Variants in TTLL4 observed in about 807,000 individuals in gnomAD.
The protein encoded by TTLL4 is tubulin monoglutamylase TTLL4.
A neutral mutation model predicts 122.7 loss-of-function variants in TTLL4; 85 were observed. The ratio of observed to expected loss-of-function variants is 0.69; its 90% CI spans 0.58 to 0.83. The LOEUF is 0.83. Among genes scored for constraint, TTLL4 ranks in the 40% least tolerant of loss-of-function variants. The pLI, the probability that TTLL4 is intolerant of heterozygous loss-of-function variation, is 0.00. For missense variants in TTLL4, 1,363 were observed against 1,488.6 expected, an observed-to-expected ratio of 0.92 and a Z score of 1.39; for synonymous variants, 553 against 563.0, an observed-to-expected ratio of 0.98 and a Z score of 0.25.
At chr2:218,725,616 C>T (rs1279035628) in intron 1 of TTLL4, among the ~76,000 whole-genome samples, 2 of 151,020 alleles carry the variant, frequency 1.3e-5, no homozygotes, top group Admixed American at 6.6e-5. Flanking sequence ...GGTGTAGTGG[C>T]GTGATCTCGG....
intron 2 of TTLL4, among the ~76,000 whole-genome samples, chr2:218,735,273 C>T (rs1942485484): frequency 6.6e-6 from 1 of 152,108 alleles, no homozygotes; most frequent in South Asian, 2.1e-4. Flanking sequence ...AAAACCATCT[C>T]TCCTAGGGCT....
intron 13 of TTLL4, 81 bp downstream of exon 13, chr2:218,749,015 G>T: frequency 6.7e-7 from 1 of 1,484,138 alleles, no homozygotes; most frequent in Non-Finnish European, 9.3e-7. Flanking sequence ...CTGTGCTCTG[G>T]ACTTTGGCCA....
Position 218,738,722 on chromosome 2 carries a change from A to G in TTLL4, c.1046A>G (p.Glu349Gly). 6.2e-7 allele frequency: 1 copy of G among 1,614,196 alleles called. No homozygotes were observed. Among genetic ancestry groups the G allele is most frequent in the Non-Finnish European group, 8.5e-7 (1 of 1,180,040 alleles). Residue 349 changes from glutamate (E) to glycine (G), a missense_variant, in exon 3 of 20, where the codon GAG (glutamate) becomes GGG (glycine). Physicochemically the swap from Glu to Gly is moderately conservative, Grantham distance 98. Transcript: ENST00000392102. ...AVRKLTARGF[E>G]KMPRQGCQLE... Reference sequence around the variant, plus strand: ...AGGAAATTGACCGCAAGAGGCTTTGAGAAGATGCCGAGGCAAGGCTGCCAG... The same window carrying G: ...AGGAAATTGACCGCAAGAGGCTTTGGGAAGATGCCGAGGCAAGGCTGCCAG...
At position 218,746,242 on chromosome 2, in the gene TTLL4, T is replaced by A; in HGVS notation, c.1974+11T>A. 1 of 1,613,914 alleles carries A rather than the reference T, an allele frequency of 6.2e-7. No individual in the cohort carries two copies. The highest frequency in any genetic ancestry group is 8.5e-7 in the Non-Finnish European group (1 of 1,179,896). ...CGAGAGCATCAGAAGGTAGGGGTCC[T>A]TTCTGAGGAGCTGTTTCCCTGGACT... On this transcript the variant is annotated intron_variant, in intron 8 of 19. Transcript: ENST00000392102.
chr2:218,753,952 C>T (rs1943093799), intron 19 of TTLL4, among the ~76,000 whole-genome samples, 182 bp from the exon 20 acceptor site: 1 of 152,230 alleles, frequency 6.6e-6, no homozygotes, highest in South Asian at 2.1e-4. Context: ...TTCACTCTTG[C>T]ACTGCAGGTC....
At chr2:218,721,204 T>TG (rs977499658) in intron 1 of TTLL4, among the ~76,000 whole-genome samples, 2 of 151,270 alleles carry the variant, frequency 1.3e-5, no homozygotes, top group East Asian at 1.9e-4. Flanking sequence ...TCAAACCCCA[T>TG]GGGGGGGTTT....
At chr2:218,713,046 C>G (rs140588769) in intron 1 of TTLL4, among the ~76,000 whole-genome samples, 1 of 151,954 alleles carries the variant, frequency 6.6e-6, no homozygotes, top group Non-Finnish European at 1.5e-5. Context: ...AAAGAGATTT[C>G]TTTTAGTTCA....
At chr2:218,715,239 A>G (rs1168130526) in intron 1 of TTLL4, among the ~76,000 whole-genome samples, 1 of 152,260 alleles carries the variant, frequency 6.6e-6, no homozygotes, top group Non-Finnish European at 1.5e-5. Flanking sequence ...ATGAAAATCC[A>G]GCTGCACACA....
intron 5 of TTLL4, 75 bp from the exon 6 acceptor site, chr2:218,745,034 C>T (rs181110561): frequency 3.0e-5 from 47 of 1,553,510 alleles, no homozygotes; most frequent in Non-Finnish European, 3.6e-5. Flanking sequence ...GGAAATAAAT[C>T]GTACGTCGTA....
At chr2:218,737,489 T>A in intron 2 of TTLL4, 90 bp from the exon 3 acceptor site, 1 of 604,558 alleles carries the variant, frequency 1.7e-6, no homozygotes, top group Non-Finnish European at 2.7e-6. Context: ...AATGCTGAAG[T>A]GGGACTGTAC....
At chr2:218,739,883 C>A (rs1373673673) in intron 3 of TTLL4, among the ~76,000 whole-genome samples, 175 bp from the exon 4 acceptor site, 1 of 152,188 alleles carries the variant, frequency 6.6e-6, no homozygotes, top group Non-Finnish European at 1.5e-5. Context: ...GGTTGAGGAG[C>A]TATGCCTAGA....
chr2:218,728,620 G>A (rs768978629), intron 2 of TTLL4, among the ~76,000 whole-genome samples: 2 of 152,148 alleles, frequency 1.3e-5, no homozygotes, highest in African/African-American at 2.4e-5. Context: ...ACTGCCCTTC[G>A]CAAATGGAGG....
chr2:218,728,921 A>ATTTT (rs1191716175), intron 2 of TTLL4, among the ~76,000 whole-genome samples: 11 of 69,174 alleles, frequency 1.6e-4, no homozygotes, highest in East Asian at 5.1e-4. Context: ...CTGGTGGTCT[A>ATTTT]TTTTTTTTTT....
intron 5 of TTLL4, among the ~76,000 whole-genome samples, chr2:218,742,861 G>A (rs530966893): frequency 2.0e-5 from 3 of 152,144 alleles, no homozygotes; most frequent in African/African-American, 7.2e-5. Flanking sequence ...AGTAGCTCAC[G>A]CCTGTAACCC....
At chr2:218,721,888 C>T (rs1054595587) in intron 1 of TTLL4, among the ~76,000 whole-genome samples, 1 of 151,974 alleles carries the variant, frequency 6.6e-6, no homozygotes, top group Admixed American at 6.6e-5. Context: ...TTTTGAGAGG[C>T]TGAGGCAAGA....
chr2:218,725,346 A>G (rs1363942845), intron 1 of TTLL4, among the ~76,000 whole-genome samples: 2 of 151,786 alleles, frequency 1.3e-5, no homozygotes, highest in Non-Finnish European at 2.9e-5. Flanking sequence ...TAGCCTCCCA[A>G]GTAGCTGGGA....
intron 1 of TTLL4, among the ~76,000 whole-genome samples, chr2:218,711,534 C>T (rs555531093): frequency 6.6e-6 from 1 of 152,196 alleles, no homozygotes; most frequent in Admixed American, 6.5e-5. Context: ...ATTCTTCATT[C>T]ATCAATTCCT....
At position 218,754,708 on chromosome 2, in the gene TTLL4, G is replaced by GT; in HGVS notation, c.*322dup. ...TTCTACCTTAAGTGAGCCATGTGTG[G>GT]TTTGTCTGGGGGCCCTGGTGTGGTT... On this transcript the variant is annotated 3_prime_UTR_variant, in exon 20 of 20. Transcript: ENST00000392102. 2.6e-6 allele frequency: 1 copy of GT among 382,238 alleles called. No homozygotes were observed. Among genetic ancestry groups the GT allele is most frequent in the Non-Finnish European group, 4.8e-6 (1 of 209,288 alleles). The allele number at this position is 382,238 out of a possible 1,614,324, so 23.7% of individuals were successfully genotyped here. A position where few individuals can be genotyped will look rare whatever the true frequency, so the allele number is the denominator to read the frequency against.
chr2:218,745,571 A>C, intron 6 of TTLL4, 120 bp from the exon 7 acceptor site: 2 of 716,596 alleles, frequency 2.8e-6, no homozygotes, highest in Middle Eastern at 3.9e-4. Flanking sequence ...ATCTGGAGCA[A>C]TAGTTAGTGA....
Sources: allele counts gnomAD v4.1 joint callset (sites outside exome capture counted in the v4.1 genomes callset), GRCh38; gene constraint gnomAD v4.1.1; transcripts MANE v1.5; gene names NCBI Gene and HGNC (gene_info 2026-07-23, HGNC 2026-07-21).